The following ANKMY1 variants were observed in gnomAD, a reference collection of about 807,000 sequenced individuals.
The protein encoded by ANKMY1 is ankyrin repeat and MYND domain containing 1.
In ANKMY1, 98 loss-of-function variants were observed where a neutral mutation model predicts 102.0. That is an observed-to-expected ratio of 0.96 (90% CI 0.82 to 1.14). The LOEUF (loss-of-function observed/expected upper bound fraction) is 1.14, where lower values mean the gene tolerates loss of function less well. Ranked by LOEUF, ANKMY1 falls within the 50% of genes most tolerant of loss-of-function variation. The pLI is 0.00. For synonymous variants in ANKMY1, 582 were observed against 559.9 expected (o/e 1.04, Z -0.56); for missense variants, 1,330 against 1,347.6 (o/e 0.99, Z 0.20).
rs376438301 is a variant in ANKMY1 at position 240,524,237 on chromosome 2, C to T, written c.1480G>A (p.Val494Ile). Reference sequence around the variant, plus strand: ...TGGCCGCCCTCGTGGCTGCCTGAGACGCGTGGCAGGAGCAGTGGTGCTGGC... The same window carrying T: ...TGGCCGCCCTCGTGGCTGCCTGAGATGCGTGGCAGGAGCAGTGGTGCTGGC... ...PPPAPLLLPRVSGSHEGGHFQ... is the reference protein window; with the variant it reads ...PPPAPLLLPRISGSHEGGHFQ... The change falls in exon 8 of 18, where the codon GTC (valine) becomes ATC (isoleucine). Residue 494 changes from valine (V) to isoleucine (I), a missense_variant. By Grantham distance (29) the Val-to-Ile change is conservative. Coordinates refer to ENST00000401804, the MANE Select transcript of ANKMY1 (RefSeq NM_001282771.3). The T allele has an allele frequency of 4.6e-5, 75 of 1,613,732 alleles. No individual in the cohort carries two copies. Among genetic ancestry groups the T allele is most frequent in the Middle Eastern group, 1.6e-4 (1 of 6,084 alleles).
At chr2:240,513,291 C>T (rs891811956) in intron 9 of ANKMY1, among the ~76,000 whole-genome samples, 1 of 152,204 alleles carries the variant, frequency 6.6e-6, no homozygotes, top group Admixed American at 6.5e-5. Flanking sequence ...CATTAACAGC[C>T]GTGCAGCTCC....
intron 13 of ANKMY1, among the ~76,000 whole-genome samples, chr2:240,502,783 T>C (rs1009054853): frequency 2.7e-5 from 4 of 149,610 alleles, no homozygotes; most frequent in African/African-American, 7.4e-5. Flanking sequence ...ATGACATCAC[T>C]GCATCCGCCC....
chr2:240,471,563 G>A, the ANKMY1 span, among the ~76,000 whole-genome samples: 217 of 152,254 alleles, frequency 1.4e-3, no homozygotes, highest in Non-Finnish European at 2.3e-3. Flanking sequence ...CATAAGGATA[G>A]AACAATTCCA....
At chr2:240,483,357 G>A (rs544648639) in intron 15 of ANKMY1, among the ~76,000 whole-genome samples, 90 of 152,074 alleles carry the variant, frequency 5.9e-4, no homozygotes, top group African/African-American at 2.1e-3. Context: ...GGGTTTCACC[G>A]TATTGGCCAG....
intron 12 of ANKMY1, among the ~76,000 whole-genome samples, chr2:240,508,934 G>C (rs1477854518): frequency 2.0e-5 from 3 of 151,862 alleles, no homozygotes; most frequent in Non-Finnish European, 4.4e-5. Context: ...GAACGGTTGA[G>C]TGGATAGGTA....
chr2:240,497,770 G>A (rs1344349894), intron 15 of ANKMY1, among the ~76,000 whole-genome samples: 1 of 152,200 alleles, frequency 6.6e-6, no homozygotes, highest in Non-Finnish European at 1.5e-5. Context: ...GAGGTGTGAA[G>A]CTCACTGTTT....
intron 4 of ANKMY1, among the ~76,000 whole-genome samples, chr2:240,544,921 G>A (rs1343729417): frequency 2.0e-5 from 3 of 152,140 alleles, no homozygotes; most frequent in Non-Finnish European, 2.9e-5. Context: ...AGGCGGCAGC[G>A]AGGCTGGGGG....
intron 5 of ANKMY1, chr2:240,526,718 C>A: frequency 7.3e-7 from 1 of 1,369,766 alleles, no homozygotes; most frequent in Non-Finnish European, 9.5e-7. Context: ...CGAGTACATC[C>A]ATGCATCTCT....
At position 240,529,179 on chromosome 2, in the gene ANKMY1, T is replaced by C. The variant is rs758772296; in HGVS notation, c.811A>G (p.Met271Val). The stretch of plus-strand genomic sequence containing the variant: ...AGCTCTTTGCGGAAAGAGCTTGTCA[T>C]GGGCAGGTGGTCACTGTTGGTCGAG... ...VYSTNSDHLP[M>V]TSSFRKELDA... is the part of the protein sequence containing the mutation. Residue 271 changes from methionine to valine, a missense_variant, in exon 5 of 18, where the codon ATG (methionine) becomes GTG (valine). By Grantham distance (21) the Met-to-Val change is conservative (BLOSUM62 1). Transcript: ENST00000401804. The surrounding 1 kb of genome is among the most constrained non-coding windows in gnomAD (Gnocchi z 4.2). 1.9e-6 allele frequency: 3 copies of C among 1,614,196 alleles called. No homozygotes were observed. Among genetic ancestry groups the C allele is most frequent in the Non-Finnish European group, 2.5e-6 (3 of 1,180,028 alleles).
chr2:240,529,867 T>C lies in ANKMY1; in HGVS notation c.481-358A>G, dbSNP rs1005808185. Reference sequence around the variant, plus strand: ...ACCCAGCCCAAACACCCCAACAGGCTGGGGCAGCAGTGGGTGGGGAGGAAG... The same window carrying C: ...ACCCAGCCCAAACACCCCAACAGGCCGGGGCAGCAGTGGGTGGGGAGGAAG... On this transcript the variant is annotated intron_variant, in intron 4 of 17. Coordinates refer to ENST00000401804, the MANE Select transcript of ANKMY1 (RefSeq NM_001282771.3). The surrounding 1 kb of genome is among the most constrained non-coding windows in gnomAD (Gnocchi z 4.2). Among the ~76,000 whole-genome samples, 2 of 151,606 alleles carry C rather than the reference T, an allele frequency of 1.3e-5. No individual in the cohort carries two copies. Among genetic ancestry groups the C allele is most frequent in the African/African-American group, 4.9e-5 (2 of 41,220 alleles).
chr2:240,476,078 A>G (rs993970482), downstream of ANKMY1, among the ~76,000 whole-genome samples: 1 of 152,234 alleles, frequency 6.6e-6, no homozygotes, highest in Non-Finnish European at 1.5e-5. Context: ...ATCTGGATAT[A>G]TCACACATCC....
intron 12 of ANKMY1, among the ~76,000 whole-genome samples, chr2:240,508,623 G>A (rs2079519857): frequency 6.6e-6 from 1 of 152,164 alleles, no homozygotes; most frequent in South Asian, 2.1e-4. Context: ...TTACATACTA[G>A]TTTATGGCCT....
At chr2:240,560,862 G>A (rs772193176), upstream of ANKMY1, 3 of 1,353,134 alleles carry the variant, frequency 2.2e-6, no homozygotes, top group Admixed American at 7.2e-5. Flanking sequence ...CGGCCCGCGC[G>A]CGCCCGGCGT....
intron 9 of ANKMY1, among the ~76,000 whole-genome samples, chr2:240,514,551 C>A: frequency 6.6e-6 from 1 of 152,202 alleles, no homozygotes; most frequent in Non-Finnish European, 1.5e-5. Flanking sequence ...TCTAGCTAAT[C>A]TATTATTCAA....
At chr2:240,541,696 G>A (rs1465492330) in intron 4 of ANKMY1, among the ~76,000 whole-genome samples, 2 of 151,872 alleles carry the variant, frequency 1.3e-5, no homozygotes, top group African/African-American at 4.8e-5. Context: ...TAGAGACGGG[G>A]TTTCACCATG....
chr2:240,501,696 G>C (rs1387844606), intron 13 of ANKMY1, among the ~76,000 whole-genome samples: 1 of 152,226 alleles, frequency 6.6e-6, no homozygotes, highest in African/African-American at 2.4e-5. Context: ...ACAACGCCTC[G>C]GGCATGGCAC....
intron 15 of ANKMY1, among the ~76,000 whole-genome samples, chr2:240,489,992 G>A (rs1387102072): frequency 2.0e-5 from 3 of 152,068 alleles, no homozygotes; most frequent in Admixed American, 1.3e-4. Flanking sequence ...AATCTTGGTA[G>A]ACTCGATGTT....
Position 240,479,537 on chromosome 2 carries a change from A to C in ANKMY1, c.*72T>G. 1 of 1,535,878 alleles carries C rather than the reference A, an allele frequency of 6.5e-7. No homozygotes were observed. Among genetic ancestry groups the C allele is most frequent in the Non-Finnish European group, 9.0e-7 (1 of 1,111,476 alleles). On this transcript the variant is annotated 3_prime_UTR_variant, in exon 18 of 18. Coordinates refer to ENST00000401804, the MANE Select transcript of ANKMY1 (RefSeq NM_001282771.3). ...CTGCATTAGGCTGGAAGATTCCCTGAGGTGGCTCAGGCAGGTAAGAAACCC... is the reference window on the plus strand; with the variant it reads ...CTGCATTAGGCTGGAAGATTCCCTGCGGTGGCTCAGGCAGGTAAGAAACCC...
chr2:240,510,896 A>G (rs2080044678), intron 11 of ANKMY1, among the ~76,000 whole-genome samples: 1 of 149,648 alleles, frequency 6.7e-6, no homozygotes, highest in South Asian at 2.1e-4. Flanking sequence ...CCCTGTGTTC[A>G]CTGCCCAGGC....
Sources: gnomAD v4.1 joint callset for allele counts (sites outside exome capture counted in the v4.1 genomes callset) on GRCh38, gnomAD v4.1.1 for gene constraint, Gnocchi (gnomAD v3.1) non-coding constraint, MANE v1.5 for transcripts, NCBI Gene and HGNC (gene_info 2026-07-23, HGNC 2026-07-21) for gene names.